Variants in GRAMD1B observed in about 807,000 individuals in gnomAD.
The protein encoded by GRAMD1B is protein Aster-B.
In GRAMD1B, 37 loss-of-function variants were observed where a neutral mutation model predicts 99.7. The observed-to-expected ratio is 0.37, with a 90% confidence interval of 0.29 to 0.49. GRAMD1B has a LOEUF of 0.49. Among genes scored for constraint, GRAMD1B ranks in the 20% least tolerant of loss-of-function variants. The pLI is 0.98. For synonymous variants in GRAMD1B, 427 were observed against 387.6 expected, an observed-to-expected ratio of 1.10 and a Z score of -1.19; for missense variants, 888 against 1,009.2, an observed-to-expected ratio of 0.88 and a Z score of 1.63.
intron 2 of GRAMD1B, among the ~76,000 whole-genome samples, chr11:123,515,355 A>T (rs1195682886): frequency 2.0e-5 from 3 of 152,218 alleles, no homozygotes; most frequent in Non-Finnish European, 4.4e-5. Context: ...AGCATCCCAG[A>T]TCTGAAAATC....
intron 2 of GRAMD1B, among the ~76,000 whole-genome samples, chr11:123,528,758 A>T (rs551683477): frequency 6.6e-6 from 1 of 152,226 alleles, no homozygotes; most frequent in East Asian, 1.9e-4. Flanking sequence ...AAAAGTGTGT[A>T]TAAATATGTT....
At chr11:123,386,298 G>A (rs534384406) in intron 1 of GRAMD1B, among the ~76,000 whole-genome samples, 16 of 152,116 alleles carry the variant, frequency 1.1e-4, no homozygotes, top group Non-Finnish European at 1.8e-4. Flanking sequence ...GGCTTCCAGC[G>A]TTCTGAACAG....
At chr11:123,375,409 A>AAG (rs996063229) in intron 1 of GRAMD1B, among the ~76,000 whole-genome samples, 5 of 152,162 alleles carry the variant, frequency 3.3e-5, no homozygotes, top group African/African-American at 9.7e-5. Context: ...ATAAAAAAAA[A>AAG]AGAGAGAGAG....
chr11:123,550,628 A>C (rs1945517449), intron 2 of GRAMD1B, among the ~76,000 whole-genome samples: 1 of 152,200 alleles, frequency 6.6e-6, no homozygotes, highest in South Asian at 2.1e-4. Context: ...GGAGGGACTC[A>C]AGATCTGTTT....
chr11:123,606,926 C>A, intron 11 of GRAMD1B, 128 bp downstream of exon 11: 1 of 654,348 alleles, frequency 1.5e-6, no homozygotes, highest in Non-Finnish European at 2.6e-6. Flanking sequence ...GCTTCCTTAA[C>A]AAAAGGTACC....
At chr11:123,512,703 CTTT>C (rs766565214) in intron 2 of GRAMD1B, among the ~76,000 whole-genome samples, 9 of 103,012 alleles carry the variant, frequency 8.7e-5, no homozygotes, top group East Asian at 3.6e-4. Flanking sequence ...CATTGTGAAT[CTTT>C]TTTTTTTTTT....
At chr11:123,431,569 A>T (rs1487344595) in intron 1 of GRAMD1B, among the ~76,000 whole-genome samples, 1 of 152,230 alleles carries the variant, frequency 6.6e-6, no homozygotes, top group African/African-American at 2.4e-5. Flanking sequence ...AGGTATTACT[A>T]TGGCTCCCTT....
intron 2 of GRAMD1B, among the ~76,000 whole-genome samples, chr11:123,483,308 C>T (rs866030056): frequency 1.5e-4 from 23 of 151,932 alleles, no homozygotes; most frequent in Middle Eastern, 6.8e-3. Context: ...GGACAGCAAG[C>T]GATTTCATCG....
At chr11:123,403,433 A>AATG (rs201005893) in intron 1 of GRAMD1B, among the ~76,000 whole-genome samples, 3,964 of 138,796 alleles carry the variant, frequency 0.029, 70 homozygotes, top group African/African-American at 0.036. Context: ...GTCTCAAAAT[A>AATG]ATGATGATGA....
rs58113764 is a variant in GRAMD1B at position 123,492,865 on chromosome 11, TACAC to T, written c.452+11999_452+12002del. On this transcript the variant is annotated intron_variant, in intron 2 of 19. Coordinates refer to ENST00000635736, the MANE Select transcript of GRAMD1B (RefSeq NM_001387025.1). The surrounding 1 kb of genome is among the most constrained non-coding windows in gnomAD (Gnocchi z 4.2). ...TCTCTCTGTCTCTCTCTTTCACACA[TACAC>T]ACACACACACACACACACACACACA... is the stretch of plus-strand genomic sequence containing the variant. 9.5e-4 allele frequency among the ~76,000 whole-genome samples: 140 copies of T among 148,028 alleles called. No individual in the cohort carries two copies. Among genetic ancestry groups the T allele is most frequent in the African/African-American group, 2.5e-3 (102 of 40,002 alleles).
chr11:123,455,906 G>A (rs1054052846), intron 1 of GRAMD1B, among the ~76,000 whole-genome samples: 1 of 151,992 alleles, frequency 6.6e-6, no homozygotes, highest in Non-Finnish European at 1.5e-5. Flanking sequence ...GGGGTGGCTC[G>A]CTCCTGTAGT....
intron 1 of GRAMD1B, among the ~76,000 whole-genome samples, chr11:123,456,128 T>C (rs576011718): frequency 6.6e-6 from 1 of 152,146 alleles, no homozygotes; most frequent in East Asian, 1.9e-4. Flanking sequence ...TGAGCCAAGA[T>C]TGCACCACTG....
chr11:123,385,731 C>A (rs529371591), intron 1 of GRAMD1B, among the ~76,000 whole-genome samples: 36 of 152,322 alleles, frequency 2.4e-4, no homozygotes, highest in African/African-American at 7.7e-4. Flanking sequence ...GGGACCATGG[C>A]ATATCCATCC....
intron 2 of GRAMD1B, among the ~76,000 whole-genome samples, chr11:123,540,308 G>A (rs144772850): frequency 2.6e-5 from 4 of 151,866 alleles, no homozygotes; most frequent in East Asian, 1.9e-4. Flanking sequence ...TCAAACAACC[G>A]GGCTTAAGTG....
chr11:123,535,691 C>G (rs1424249975), intron 2 of GRAMD1B, among the ~76,000 whole-genome samples: 3 of 146,396 alleles, frequency 2.0e-5, no homozygotes, highest in Non-Finnish European at 4.4e-5. Flanking sequence ...TGAAATATAT[C>G]ATGCATACAC....
chr11:123,535,289 TG>T (rs1943849082), intron 2 of GRAMD1B, among the ~76,000 whole-genome samples: 1 of 147,880 alleles, frequency 6.8e-6, no homozygotes, highest in Non-Finnish European at 1.5e-5. Context: ...ACAGGAAAGA[TG>T]TTTTTTTTTT....
rs1168693167 is a variant in GRAMD1B at position 123,510,314 on chromosome 11, G to A, written c.452+29421G>A. ...TGTGGGTACCAGTTGGCGGGGTGAT[G>A]GGAGGGCAGGCCTCCGTCTTTGTGC... On this transcript the variant is annotated intron_variant, in intron 2 of 19. Coordinates refer to ENST00000635736, the MANE Select transcript of GRAMD1B (RefSeq NM_001387025.1). This position sits in a 1 kb window ranked among gnomAD's most constrained non-coding sequence, Gnocchi z 4.3. Among the ~76,000 whole-genome samples the A allele has an allele frequency of 6.6e-6, 1 of 152,094 alleles. No homozygotes were observed. Among genetic ancestry groups the A allele is most frequent in the Non-Finnish European group, 1.5e-5 (1 of 68,016 alleles).
chr11:123,563,868 C>T (rs1328830252), intron 2 of GRAMD1B, among the ~76,000 whole-genome samples: 1 of 152,238 alleles, frequency 6.6e-6, no homozygotes, highest in South Asian at 2.1e-4. Context: ...AGACTAAAGC[C>T]TCTCTTGGTT....
At chr11:123,413,030 C>A (rs766951678) in intron 1 of GRAMD1B, among the ~76,000 whole-genome samples, 1 of 152,190 alleles carries the variant, frequency 6.6e-6, no homozygotes, top group South Asian at 2.1e-4. Flanking sequence ...AATCCATCCA[C>A]CTCGGCCTCC....
Sources: allele counts gnomAD v4.1 joint callset (sites outside exome capture counted in the v4.1 genomes callset), GRCh38; gene constraint gnomAD v4.1.1; non-coding constraint Gnocchi (gnomAD v3.1); transcripts MANE v1.5; gene names NCBI Gene and HGNC (gene_info 2026-07-23, HGNC 2026-07-21).